Variants in SLC4A10 observed in about 807,000 individuals in gnomAD.
SLC4A10 encodes the protein sodium-driven chloride bicarbonate exchanger.
In SLC4A10, 42 loss-of-function variants were observed where a neutral mutation model predicts 137.7. That is an observed-to-expected ratio of 0.30 (90% confidence interval 0.24 to 0.39). The LOEUF is 0.39. SLC4A10 is among the 10% of genes least tolerant of loss of function. The pLI is 1.00. For missense variants in SLC4A10, 925 were observed against 1,355.0 expected, an observed-to-expected ratio of 0.68 and a Z score of 4.98; for synonymous variants, 474 against 464.1, an observed-to-expected ratio of 1.02 and a Z score of -0.27.
intron 15 of SLC4A10, among the ~76,000 whole-genome samples, chr2:161,940,534 C>A (rs1419599280): frequency 6.6e-6 from 1 of 152,170 alleles, no homozygotes; most frequent in Non-Finnish European, 1.5e-5. Flanking sequence ...CAATGCTGTC[C>A]CCATCCCTAG....
chr2:161,889,614 G>C (rs2062700777), intron 10 of SLC4A10, among the ~76,000 whole-genome samples: 2 of 152,088 alleles, frequency 1.3e-5, no homozygotes, highest in African/African-American at 4.8e-5. Context: ...TATTTCTGTG[G>C]GATCAGTGGT....
chr2:161,732,852 G>A (rs1348318673), intron 1 of SLC4A10, among the ~76,000 whole-genome samples: 2 of 152,178 alleles, frequency 1.3e-5, no homozygotes, highest in Non-Finnish European at 2.9e-5. Context: ...TTGAGAACTG[G>A]AGCAAAGGTG....
At chr2:161,941,385 T>C (rs1042052892) in intron 15 of SLC4A10, among the ~76,000 whole-genome samples, 5 of 152,150 alleles carry the variant, frequency 3.3e-5, no homozygotes, top group African/African-American at 1.2e-4. Context: ...GAATTCATAC[T>C]AAATGGATTG....
chr2:161,811,977 T>G (rs2056595147), intron 3 of SLC4A10, among the ~76,000 whole-genome samples: 1 of 152,102 alleles, frequency 6.6e-6, no homozygotes, highest in Admixed American at 6.6e-5. Flanking sequence ...CATTCAGATA[T>G]GTAAGTTAAC....
At chr2:161,916,729 C>A (rs1481559001) in intron 15 of SLC4A10, among the ~76,000 whole-genome samples, 1 of 152,184 alleles carries the variant, frequency 6.6e-6, no homozygotes, top group Non-Finnish European at 1.5e-5. Context: ...TCTAGCCCTT[C>A]ACACTGTCTT....
At chr2:161,735,618 G>C (rs2047265354) in intron 1 of SLC4A10, among the ~76,000 whole-genome samples, 1 of 152,162 alleles carries the variant, frequency 6.6e-6, no homozygotes, top group Non-Finnish European at 1.5e-5. Context: ...TGGGTGCCAA[G>C]TTTATATACC....
At chr2:161,717,536 T>C (rs890559296) in intron 1 of SLC4A10, among the ~76,000 whole-genome samples, 5 of 152,216 alleles carry the variant, frequency 3.3e-5, no homozygotes, top group African/African-American at 1.2e-4. Flanking sequence ...TTCTTCTGCA[T>C]CTAATGAGAT....
chr2:161,679,824 ACTT>A (rs1321548298), intron 1 of SLC4A10, among the ~76,000 whole-genome samples: 1 of 151,334 alleles, frequency 6.6e-6, no homozygotes, highest in Non-Finnish European at 1.5e-5. Flanking sequence ...AGGTCTTGTT[ACTT>A]GTAGTCATTC....
chr2:161,958,398 C>CT (rs1696041960), intron 20 of SLC4A10, 89 bp from the exon 21 acceptor site: 2 of 1,091,454 alleles, frequency 1.8e-6, no homozygotes, highest in East Asian at 2.5e-5. Context: ...TCAAAAATGC[C>CT]TTTTTTCCCT....
chr2:161,887,844 A>G (rs987348256), intron 10 of SLC4A10, among the ~76,000 whole-genome samples: 1 of 152,110 alleles, frequency 6.6e-6, no homozygotes, highest in African/African-American at 2.4e-5. Context: ...TTTTGTTGCC[A>G]TTGCTTTTGG....
intron 15 of SLC4A10, among the ~76,000 whole-genome samples, chr2:161,926,404 T>TCCA (rs1689119514): frequency 2.4e-5 from 3 of 125,184 alleles, no homozygotes; most frequent in Non-Finnish European, 3.4e-5. Context: ...TTTTTTTTTT[T>TCCA]TTTTTGGTAG....
intron 1 of SLC4A10, among the ~76,000 whole-genome samples, chr2:161,632,458 A>G (rs1335135477): frequency 1.3e-5 from 2 of 151,734 alleles, no homozygotes; most frequent in East Asian, 3.9e-4. Flanking sequence ...ACACAGAGAC[A>G]GCAGCAAGAC....
chr2:161,894,170 C>A (rs2105210814), intron 10 of SLC4A10, among the ~76,000 whole-genome samples: 1 of 152,124 alleles, frequency 6.6e-6, no homozygotes, highest in African/African-American at 2.4e-5. Context: ...ATCCTGGAAC[C>A]AATCCCTCAA....
chr2:161,722,669 C>T (rs1222110485), intron 1 of SLC4A10, among the ~76,000 whole-genome samples: 1 of 152,172 alleles, frequency 6.6e-6, no homozygotes, highest in Non-Finnish European at 1.5e-5. Flanking sequence ...CAGGGACTCA[C>T]TTAACGAAGC....
intron 4 of SLC4A10, 107 bp from the exon 5 acceptor site, chr2:161,854,863 C>T: frequency 4.4e-6 from 5 of 1,144,376 alleles, no homozygotes; most frequent in Non-Finnish European, 5.8e-6. Context: ...ACCTATGAAC[C>T]AAGACACAAT....
chr2:161,811,275 G>A (rs1400949571), intron 3 of SLC4A10, among the ~76,000 whole-genome samples: 1 of 151,808 alleles, frequency 6.6e-6, no homozygotes, highest in Non-Finnish European at 1.5e-5. Context: ...AATCTAACTA[G>A]TAGTCTATCA....
intron 1 of SLC4A10, among the ~76,000 whole-genome samples, chr2:161,766,523 T>C (rs1050445341): frequency 1.3e-5 from 2 of 152,240 alleles, no homozygotes; most frequent in South Asian, 2.1e-4. Context: ...ATAGTGCTTG[T>C]TTTGACCTTT....
intron 1 of SLC4A10, among the ~76,000 whole-genome samples, chr2:161,742,283 G>T (rs1356477229): frequency 6.6e-6 from 1 of 151,988 alleles, no homozygotes; most frequent in Non-Finnish European, 1.5e-5. Context: ...GAATAAACAT[G>T]GGATTGCAGA....
At chr2:161,664,387 T>C (rs1418368976) in intron 1 of SLC4A10, among the ~76,000 whole-genome samples, 2 of 151,956 alleles carry the variant, frequency 1.3e-5, no homozygotes, top group Non-Finnish European at 2.9e-5. Flanking sequence ...CAAGATCAAA[T>C]TGGATGTTTA....
Sources: gnomAD v4.1 joint callset for allele counts (sites outside exome capture counted in the v4.1 genomes callset) on GRCh38, gnomAD v4.1.1 for gene constraint, MANE v1.5 for transcripts, NCBI Gene and HGNC (gene_info 2026-07-23, HGNC 2026-07-21) for gene names.